The following CELF2 variants were observed in gnomAD, a reference collection of about 807,000 sequenced individuals.
The protein encoded by CELF2 is CUG triplet repeat RNA-binding protein 2.
Under a neutral mutation model 62.6 loss-of-function variants are expected in CELF2, and 8 were observed. That is an observed-to-expected ratio of 0.13 (90% CI 0.07 to 0.23). The LOEUF (loss-of-function observed/expected upper bound fraction) is 0.23. Among genes scored for constraint, CELF2 ranks in the 10% least tolerant of loss-of-function variants. The pLI, the probability that CELF2 is intolerant of heterozygous loss-of-function variation, is 1.00. For missense variants in CELF2, 333 were observed against 671.0 expected, an observed-to-expected ratio of 0.50 and a Z score of 5.56; for synonymous variants, 258 against 250.0, an observed-to-expected ratio of 1.03 and a Z score of -0.30.
chr10:10,816,209 A>G (rs2056451831), intron 1 of CELF2, among the ~76,000 whole-genome samples: 1 of 152,222 alleles, frequency 6.6e-6, no homozygotes, highest in South Asian at 2.1e-4. Flanking sequence ...CAAATAAGCC[A>G]GTCCTGGAAA....
At chr10:10,709,222 A>T in the CELF2 span, among the ~76,000 whole-genome samples, 1 of 152,226 alleles carries the variant, frequency 6.6e-6, no homozygotes, top group Admixed American at 6.5e-5. Flanking sequence ...GAATTAGGCC[A>T]GTAATTGCTT....
chr10:10,624,405 AAAC>A, the CELF2 span, among the ~76,000 whole-genome samples: 1 of 152,002 alleles, frequency 6.6e-6, no homozygotes, highest in African/African-American at 2.4e-5. Flanking sequence ...GTCACTTAAA[AAAC>A]AACAACAAAC....
At chr10:10,573,690 A>G in the CELF2 span, among the ~76,000 whole-genome samples, 2 of 152,130 alleles carry the variant, frequency 1.3e-5, no homozygotes, top group African/African-American at 2.4e-5. Flanking sequence ...CTGTAAATTA[A>G]AATCTGTAAA....
chr10:10,513,343 G>A, the CELF2 span, among the ~76,000 whole-genome samples: 2 of 152,114 alleles, frequency 1.3e-5, no homozygotes, highest in African/African-American at 2.4e-5. Context: ...TTTACTGAAA[G>A]AGCAGTACTT....
chr10:11,100,694 A>G (rs1022012629), intron 1 of CELF2, among the ~76,000 whole-genome samples: 1 of 152,170 alleles, frequency 6.6e-6, no homozygotes, highest in African/African-American at 2.4e-5. Flanking sequence ...TTTCCTATCC[A>G]CAAAGAGTTC....
the CELF2 span, among the ~76,000 whole-genome samples, chr10:10,520,843 A>C: frequency 3.9e-4 from 59 of 152,216 alleles, no homozygotes; most frequent in Non-Finnish European, 7.3e-4. Context: ...ATGGTTAGCT[A>C]TCATCAGAAG....
At chr10:11,061,463 G>A (rs961495203) in intron 1 of CELF2, among the ~76,000 whole-genome samples, 2 of 152,214 alleles carry the variant, frequency 1.3e-5, no homozygotes, top group African/African-American at 4.8e-5. Flanking sequence ...TGCTAATGAA[G>A]AAGCTGCAGC....
intron 1 of CELF2, among the ~76,000 whole-genome samples, chr10:10,867,996 C>G (rs1236436058): frequency 1.3e-5 from 2 of 152,318 alleles, no homozygotes; most frequent in African/African-American, 2.4e-5. Context: ...TAATTTCCCA[C>G]CCATACAATC....
intron 1 of CELF2, among the ~76,000 whole-genome samples, chr10:11,104,463 G>A (rs572431360): frequency 5.3e-5 from 8 of 152,294 alleles, no homozygotes; most frequent in African/African-American, 1.9e-4. Flanking sequence ...GGCCAAGGCA[G>A]GAGAATCACA....
rs2046393668 is a variant in CELF2, at chr10:10,936,393, A to C, written c.89+16394A>C. On this transcript the variant is annotated intron_variant, in intron 2 of 13. Transcript: ENST00000636488. This position sits in a 1 kb window ranked among gnomAD's most constrained non-coding sequence, Gnocchi z 4.0. Reference sequence around the variant, plus strand: ...CAGCCTGTTAGTTTTTGTATCTAGAATCCTAGAACCTTAGAGCTCCATGGA... The same window carrying C: ...CAGCCTGTTAGTTTTTGTATCTAGACTCCTAGAACCTTAGAGCTCCATGGA... Among the ~76,000 whole-genome samples the C allele has an allele frequency of 1.3e-5, 2 of 152,164 alleles. No individual in the cohort carries two copies. Among genetic ancestry groups the C allele is most frequent in the South Asian group, 4.1e-4 (2 of 4,828 alleles).
chr10:11,231,126 T>C (rs1443195422), intron 3 of CELF2, among the ~76,000 whole-genome samples: 1 of 152,242 alleles, frequency 6.6e-6, no homozygotes, highest in Admixed American at 6.5e-5. Context: ...TCATCTGCCC[T>C]GAACAGTGTA....
At chr10:10,772,945 T>C in the CELF2 span, among the ~76,000 whole-genome samples, 4 of 152,218 alleles carry the variant, frequency 2.6e-5, no homozygotes, top group African/African-American at 7.2e-5. Flanking sequence ...TTAATTTTTA[T>C]ATAGTAGAAG....
rs2096073490 is a variant in CELF2, at chr10:11,333,930, C to A, written c.*4877C>A. 6.6e-6 allele frequency: 1 copy of A among 151,698 alleles called. No homozygotes were observed. Among genetic ancestry groups the A allele is most frequent in the Non-Finnish European group, 1.5e-5 (1 of 67,966 alleles). The allele number at this position is 151,698 out of a possible 1,614,324, so 9.4% of individuals were successfully genotyped here. A position where few individuals can be genotyped will look rare whatever the true frequency, so the allele number is the denominator to read the frequency against. On this transcript the variant is annotated 3_prime_UTR_variant, in exon 13 of 13. Transcript: ENST00000633077. ...AATTTTTGTGGCTTGCTCTGGTGGGCCCCTGACAATGACTGATTTCAAGTT... is the reference window on the plus strand; with the variant it reads ...AATTTTTGTGGCTTGCTCTGGTGGGACCCTGACAATGACTGATTTCAAGTT...
upstream of CELF2, chr10:11,005,205 C>G (rs1299769381): frequency 4.1e-6 from 6 of 1,463,718 alleles, no homozygotes; most frequent in Admixed American, 5.2e-5. This position sits in a 1 kb window ranked among gnomAD's most constrained non-coding sequence, Gnocchi z 4.3. Flanking sequence ...CCCCCTTGCT[C>G]TACTATTCAG....
the CELF2 span, among the ~76,000 whole-genome samples, chr10:10,552,272 G>A: frequency 6.6e-6 from 1 of 152,214 alleles, no homozygotes; most frequent in African/African-American, 2.4e-5. Flanking sequence ...GCAGCCCATT[G>A]TTACAGAAAA....
At chr10:11,137,398 G>T (rs1020237585) in intron 1 of CELF2, among the ~76,000 whole-genome samples, 1 of 152,202 alleles carries the variant, frequency 6.6e-6, no homozygotes. Context: ...AATTCCAGAG[G>T]GTGGAAGCCG....
At chr10:10,795,453 T>C (rs1382606080), upstream of CELF2, among the ~76,000 whole-genome samples, 1 of 152,212 alleles carries the variant, frequency 6.6e-6, no homozygotes, top group African/African-American at 2.4e-5. Flanking sequence ...ACCTAACTCA[T>C]TTTTATAAAT....
the CELF2 span, among the ~76,000 whole-genome samples, chr10:10,727,427 G>A: frequency 6.6e-6 from 1 of 152,078 alleles, no homozygotes; most frequent in African/African-American, 2.4e-5. Flanking sequence ...ACTCCAAGCT[G>A]GCTTTATATG....
chr10:10,981,955 T>C (rs1159607089), intron 2 of CELF2, among the ~76,000 whole-genome samples: 1 of 144,884 alleles, frequency 6.9e-6, no homozygotes, highest in African/African-American at 2.6e-5. Context: ...TTTTCCTTTT[T>C]TTTTTTTTTT....
Sources: gnomAD v4.1 joint callset for allele counts (sites outside exome capture counted in the v4.1 genomes callset) on GRCh38, gnomAD v4.1.1 for gene constraint, Gnocchi (gnomAD v3.1) non-coding constraint, MANE v1.5 for transcripts, NCBI Gene and HGNC (gene_info 2026-07-23, HGNC 2026-07-21) for gene names.